Variants in ANO4 observed in about 807,000 individuals in gnomAD.
ANO4 encodes anoctamin 4, also known as anoctamin-4.
Under a neutral mutation model 141.9 loss-of-function variants are expected in ANO4, and 69 were observed. The observed-to-expected ratio is 0.49, with a 90% CI of 0.40 to 0.59. ANO4 has a LOEUF of 0.59. ANO4 is among the 20% of genes least tolerant of loss of function. The probability of loss-of-function intolerance (pLI) is 0.00; values close to 1 mark genes in which losing one functional copy is unlikely to be tolerated. For synonymous variants in ANO4, 350 were observed against 394.3 expected, an observed-to-expected ratio of 0.89 and a Z score of 1.33; for missense variants, 894 against 1,162.2, an observed-to-expected ratio of 0.77 and a Z score of 3.36.
At position 101,125,674 on chromosome 12, in the gene ANO4, T is replaced by C. The variant is rs568197443; in HGVS notation, c.2677-1205T>C. ...TCTTTAGTTCTGCTTATGTGATGAA[T>C]TACTTATGCTTATGTGATGTTTACT... is the stretch of plus-strand genomic sequence containing the variant. On this transcript the variant is annotated intron_variant, in intron 26 of 27. Coordinates refer to ENST00000392977, the MANE Select transcript of ANO4 (RefSeq NM_001286615.2). Among the ~76,000 whole-genome samples, 48 of 152,352 alleles carry C rather than the reference T, an allele frequency of 3.2e-4. No homozygotes were observed. In the South Asian group the frequency reaches 9.5e-3, roughly 30 times the overall value.
At chr12:100,889,412 G>T (rs1361144071) in intron 1 of ANO4, among the ~76,000 whole-genome samples, 1 of 152,070 alleles carries the variant, frequency 6.6e-6, no homozygotes, top group East Asian at 1.9e-4. Context: ...GGGATGGCTG[G>T]GTCAAGTGGT....
chr12:100,857,060 C>T (rs560798263), intron 1 of ANO4, among the ~76,000 whole-genome samples: 3 of 152,026 alleles, frequency 2.0e-5, no homozygotes, highest in Non-Finnish European at 4.4e-5. Context: ...AGAAGCCATG[C>T]AGTGTGGTGT....
At chr12:101,022,430 T>C (rs1008476510) in intron 9 of ANO4, among the ~76,000 whole-genome samples, 1 of 152,254 alleles carries the variant, frequency 6.6e-6, no homozygotes, top group African/African-American at 2.4e-5. Flanking sequence ...AATAACATTA[T>C]GAAAATCTAC....
At chr12:100,731,912 G>C (rs2136807835) in intron 1 of ANO4, among the ~76,000 whole-genome samples, 1 of 152,110 alleles carries the variant, frequency 6.6e-6, no homozygotes, top group South Asian at 2.1e-4. Flanking sequence ...AGGTCATCTT[G>C]GTTGCTTCCA....
chr12:100,863,635 TTA>T (rs202217296), intron 1 of ANO4, among the ~76,000 whole-genome samples: 4,078 of 152,302 alleles, frequency 0.027, 73 homozygotes, highest in Non-Finnish European at 0.038. Flanking sequence ...ATATTATGTA[TTA>T]TATATTCATT....
intron 4 of ANO4, among the ~76,000 whole-genome samples, chr12:100,939,829 G>A (rs561191901): frequency 4.6e-5 from 7 of 152,146 alleles, no homozygotes; most frequent in Non-Finnish European, 1.0e-4. Flanking sequence ...AGTTGATTGT[G>A]TTGTCTGAAG....
chr12:100,989,736 TAG>T lies in ANO4; in HGVS notation c.734+2068_734+2069del, dbSNP rs1566096393. Among the ~76,000 whole-genome samples, 560 of 143,184 alleles carry T rather than the reference TAG, an allele frequency of 3.9e-3. 1 individual carries two copies. Among genetic ancestry groups the T allele is most frequent in the Non-Finnish European group, 5.2e-3 (336 of 64,818 alleles). 93.9% of individuals were successfully genotyped at this position (143,184 alleles called of 152,430 possible). ...ATCACCAGATGGATGGATGGGTGGA[TAG>T]ATGGATGGATATATGGATGGATGGA... On this transcript the variant is annotated intron_variant, in intron 8 of 27. Transcript: ENST00000392977.
At chr12:101,119,552 T>C (rs995911361) in intron 25 of ANO4, among the ~76,000 whole-genome samples, 1 of 152,142 alleles carries the variant, frequency 6.6e-6, no homozygotes, top group Admixed American at 6.5e-5. Context: ...GAGTCTATTA[T>C]ACAGCAATAA....
intron 1 of ANO4, among the ~76,000 whole-genome samples, chr12:100,872,514 A>T (rs78597949): frequency 0.012 from 1,858 of 152,324 alleles, 26 homozygotes; most frequent in African/African-American, 0.042. Flanking sequence ...ATGATTAGCT[A>T]TGGGATTAAC....
At chr12:100,894,141 G>T (rs1475959122) in intron 1 of ANO4, among the ~76,000 whole-genome samples, 1 of 152,094 alleles carries the variant, frequency 6.6e-6, no homozygotes, top group Non-Finnish European at 1.5e-5. Context: ...AATTACAAAG[G>T]ACAGCACCTT....
chr12:100,967,393 G>C (rs1350582069), intron 5 of ANO4, among the ~76,000 whole-genome samples: 1 of 152,112 alleles, frequency 6.6e-6, no homozygotes, highest in Non-Finnish European at 1.5e-5. Context: ...GTAGAGAAAA[G>C]AATGATTTAT....
At chr12:101,066,697 C>G in intron 14 of ANO4, 1 of 697,296 alleles carries the variant, frequency 1.4e-6, no homozygotes, top group Non-Finnish European at 2.6e-6. Flanking sequence ...TGGAGCACAG[C>G]AAGGTCAGGT....
chr12:101,003,503 T>A (rs544558806), intron 8 of ANO4, among the ~76,000 whole-genome samples: 52 of 152,292 alleles, frequency 3.4e-4, no homozygotes, highest in African/African-American at 1.3e-3. Context: ...AACATGGTAA[T>A]GAGTAGAGAT....
chr12:100,732,346 G>A (rs1279295004), intron 1 of ANO4, among the ~76,000 whole-genome samples: 1 of 152,106 alleles, frequency 6.6e-6, no homozygotes, highest in Non-Finnish European at 1.5e-5. Flanking sequence ...CTTTTCATGT[G>A]TGTATCTGCC....
rs192566138 is a variant in ANO4, at chr12:101,080,867, T to G, written c.1395+1592T>G. On this transcript the variant is annotated intron_variant, in intron 15 of 27. Transcript: ENST00000392977. ...ATATATATTTTTTCTAGGTTCTAGATATATATATATATATATTATATATAT... is the reference window on the plus strand; with the variant it reads ...ATATATATTTTTTCTAGGTTCTAGAGATATATATATATATATTATATATAT... 6.5e-3 allele frequency among the ~76,000 whole-genome samples: 307 copies of G among 46,944 alleles called. 1 individual carries two copies. Among genetic ancestry groups the G allele is most frequent in the African/African-American group, 0.019 (241 of 12,960 alleles). The allele number at this position is 46,944 out of a possible 152,430, so 30.8% of individuals were successfully genotyped here. A position where few individuals can be genotyped will look rare whatever the true frequency, so the allele number is the denominator to read the frequency against.
chr12:100,942,878 G>T (rs1023203702), intron 5 of ANO4, among the ~76,000 whole-genome samples: 3 of 152,182 alleles, frequency 2.0e-5, no homozygotes, highest in Non-Finnish European at 4.4e-5. Flanking sequence ...AACTTTGAGT[G>T]AAATCCAGTC....
intron 25 of ANO4, 116 bp downstream of exon 25, chr12:101,116,914 A>C: frequency 8.8e-5 from 124 of 1,407,414 alleles, no homozygotes; most frequent in Non-Finnish European, 1.2e-4. Flanking sequence ...TGTCAATCTC[A>C]ACAGTGCATT....
At chr12:101,109,154 T>C (rs2137007515) in intron 22 of ANO4, among the ~76,000 whole-genome samples, 1 of 152,328 alleles carries the variant, frequency 6.6e-6, no homozygotes, top group Non-Finnish European at 1.5e-5. Context: ...GGGTTATTCA[T>C]TTTTGGCAAG....
chr12:101,086,807 A>G lies in ANO4; in HGVS notation c.1684A>G (p.Ile562Val), dbSNP rs2049521857. ...GTAVCINFCI[I>V]MLLNVLYEKV... ...TGCTGTGTGCATCAACTTCTGTATC[A>G]TTATGTTGCTGAATGTGGTAAGTGA... The change falls in exon 17 of 28, where the codon ATT becomes GTT. Residue 562 changes from isoleucine to valine, a missense_variant. Ile to Val is a conservative substitution (Grantham distance 29). Coordinates refer to ENST00000392977, the MANE Select transcript of ANO4 (RefSeq NM_001286615.2). 7 of 1,613,622 alleles carry G rather than the reference A, an allele frequency of 4.3e-6. No homozygotes were observed. Among genetic ancestry groups the G allele is most frequent in the Non-Finnish European group, 5.9e-6 (7 of 1,179,626 alleles).
Sources: gnomAD v4.1 joint callset for allele counts (sites outside exome capture counted in the v4.1 genomes callset) on GRCh38, gnomAD v4.1.1 for gene constraint, MANE v1.5 for transcripts, NCBI Gene and HGNC (gene_info 2026-07-23, HGNC 2026-07-21) for gene names.